The following DHRS12 variants were observed in gnomAD, a reference collection of about 807,000 sequenced individuals.
The protein encoded by DHRS12 is dehydrogenase/reductase 12.
A neutral mutation model predicts 32.1 loss-of-function variants in DHRS12; 29 were observed. That is an observed-to-expected ratio of 0.90 (90% CI 0.67 to 1.23). DHRS12 has a LOEUF of 1.23. Ranked by LOEUF, DHRS12 falls within the 50% of genes most tolerant of loss-of-function variation. The pLI is 0.00. For synonymous variants in DHRS12, 150 were observed against 135.9 expected (o/e 1.10, Z -0.72); for missense variants, 330 against 337.2 (o/e 0.98, Z 0.17).
the DHRS12 span, chr13:51,756,242 A>C: frequency 6.6e-7 from 1 of 1,526,324 alleles, no homozygotes; most frequent in Non-Finnish European, 8.8e-7. Context: ...GATGCAGTTG[A>C]TTACACCTCT....
intron 4 of DHRS12, among the ~76,000 whole-genome samples, chr13:51,778,756 C>T (rs1954562374): frequency 6.6e-6 from 1 of 152,024 alleles, no homozygotes; most frequent in South Asian, 2.1e-4. Context: ...CAGTCACCTG[C>T]AGGAGGGCTG....
intron 1 of DHRS12, among the ~76,000 whole-genome samples, chr13:51,802,830 G>A (rs1009905963): frequency 2.0e-5 from 3 of 152,216 alleles, no homozygotes; most frequent in African/African-American, 7.2e-5. Context: ...CCACCAATCT[G>A]TGGTGGATTG....
At chr13:51,763,096 A>C (rs1214873924), downstream of DHRS12, 1 of 152,218 alleles carries the variant, frequency 6.6e-6, no homozygotes, top group Non-Finnish European at 1.5e-5. Flanking sequence ...TTTCAAGCAG[A>C]AAACACATTA....
chr13:51,761,980 A>C, the DHRS12 span: 6 of 152,250 alleles, frequency 3.9e-5, no homozygotes, highest in Non-Finnish European at 7.3e-5. Flanking sequence ...TCTTTTCTGC[A>C]TGATTGCTCT....
intron 4 of DHRS12, among the ~76,000 whole-genome samples, chr13:51,787,415 C>A (rs1349701689): frequency 1.3e-5 from 2 of 151,960 alleles, no homozygotes; most frequent in Non-Finnish European, 2.9e-5. Context: ...CCTTCCCTGG[C>A]ATAGCTGGTC....
intron 4 of DHRS12, among the ~76,000 whole-genome samples, chr13:51,781,002 AT>A (rs1227040312): frequency 2.0e-5 from 3 of 152,216 alleles, no homozygotes; most frequent in East Asian, 3.8e-4. Context: ...CCACGCTACT[AT>A]CTGACGGAGA....
chr13:51,771,113 A>G (rs911357325), intron 7 of DHRS12: 97 of 1,481,832 alleles, frequency 6.5e-5, no homozygotes, highest in Non-Finnish European at 8.2e-5. Flanking sequence ...AATGGGTGTG[A>G]TAATAGACAG....
chr13:51,756,832 G>A, the DHRS12 span, among the ~76,000 whole-genome samples: 1 of 152,202 alleles, frequency 6.6e-6, no homozygotes. Flanking sequence ...AGTTGAGTGA[G>A]TCCATGGGTC....
intron 5 of DHRS12, among the ~76,000 whole-genome samples, chr13:51,776,788 C>A (rs1954435690): frequency 1.3e-5 from 2 of 152,168 alleles, no homozygotes; most frequent in Admixed American, 1.3e-4. Context: ...CGCCCCTGCC[C>A]TTCGGAGGCC....
In DHRS12 at chr13:51,776,120, ATTCTACAGTATTC is replaced by A. The variant is rs1204549215; in HGVS notation, c.363+927_363+939del. 1.6e-4 allele frequency: 18 copies of A among 115,036 alleles called. 1 individual carries two copies. Among genetic ancestry groups the A allele is most frequent in the African/African-American group, 6.3e-4 (18 of 28,610 alleles). The allele number at this position is 115,036 out of a possible 1,614,324, so 7.1% of individuals were successfully genotyped here. A position where few individuals can be genotyped will look rare whatever the true frequency, so the allele number is the denominator to read the frequency against. On this transcript the variant is annotated intron_variant, in intron 5 of 8. Transcript: ENST00000444610. Reference sequence around the variant, plus strand: ...TATTCTACAGTATTCTCCTACATGTATTCTACAGTATTCTCCTACATGTATTCTCCTACATGTA... The same window carrying A: ...TATTCTACAGTATTCTCCTACATGTATCCTACATGTATTCTCCTACATGTA...
chr13:51,772,043 C>T, intron 6 of DHRS12, 132 bp from the exon 7 acceptor site: 1 of 799,286 alleles, frequency 1.3e-6, no homozygotes, highest in Non-Finnish European at 2.0e-6. Flanking sequence ...CTTGATGTCA[C>T]CCTCCTCCAA....
At chr13:51,778,947 A>G (rs1323079467) in intron 4 of DHRS12, among the ~76,000 whole-genome samples, 2 of 152,232 alleles carry the variant, frequency 1.3e-5, no homozygotes, top group African/African-American at 4.8e-5. Context: ...GTATATATAT[A>G]TATAAACTCT....
chr13:51,758,220 A>C, the DHRS12 span: 1 of 1,591,696 alleles, frequency 6.3e-7, no homozygotes, highest in Non-Finnish European at 8.6e-7. Context: ...CTTCCATGAC[A>C]GTAAACATAA....
At chr13:51,802,482 C>G (rs894851377) in intron 1 of DHRS12, among the ~76,000 whole-genome samples, 2 of 152,186 alleles carry the variant, frequency 1.3e-5, no homozygotes, top group Non-Finnish European at 1.5e-5. Flanking sequence ...TGGCAGGTAT[C>G]TGTGTCTCCC....
chr13:51,764,805 T>TATCA (rs1435000978), downstream of DHRS12: 3 of 152,436 alleles, frequency 2.0e-5, no homozygotes, highest in African/African-American at 4.8e-5. Context: ...AGGTGGAGAC[T>TATCA]ATCAGTGCAC....
intron 2 of DHRS12, among the ~76,000 whole-genome samples, chr13:51,799,011 C>A (rs922016084): frequency 9.9e-5 from 15 of 152,198 alleles, no homozygotes; most frequent in African/African-American, 3.1e-4. Flanking sequence ...GCTGCTCTAG[C>A]CCTGGAGGCT....
At chr13:51,764,059 T>C (rs1406216042), downstream of DHRS12, 7 of 152,242 alleles carry the variant, frequency 4.6e-5, no homozygotes, top group African/African-American at 1.2e-4. Flanking sequence ...TAATATTGAA[T>C]TTTTCCTGGT....
In DHRS12 at chr13:51,771,436, G is replaced by A. The variant is rs371437952; in HGVS notation, c.559+385C>T. 3.0e-5 allele frequency: 48 copies of A among 1,614,224 alleles called. No homozygotes were observed. The highest frequency in any genetic ancestry group is 3.7e-5 in the Non-Finnish European group (44 of 1,180,032). Reference sequence around the variant, plus strand: ...TGCATCATTATTTCCAAAAACCTGGGGAGTGGTGAGGCAGTCTGGGCCTCT... The same window carrying A: ...TGCATCATTATTTCCAAAAACCTGGAGAGTGGTGAGGCAGTCTGGGCCTCT... On this transcript the variant is annotated intron_variant, in intron 7 of 8. Coordinates refer to ENST00000444610, the MANE Select transcript of DHRS12 (RefSeq NM_001377533.1).
chr13:51,798,830 G>A (rs975527290), intron 2 of DHRS12, among the ~76,000 whole-genome samples: 1 of 152,222 alleles, frequency 6.6e-6, no homozygotes, highest in African/African-American at 2.4e-5. Context: ...AGGCTCTGGA[G>A]AGATGCAGCA....
Sources: gnomAD v4.1 joint callset for allele counts (sites outside exome capture counted in the v4.1 genomes callset) on GRCh38, gnomAD v4.1.1 for gene constraint, MANE v1.5 for transcripts, NCBI Gene and HGNC (gene_info 2026-07-23, HGNC 2026-07-21) for gene names.